The following NCALD variants were observed in gnomAD, a reference collection of about 807,000 sequenced individuals.
The protein encoded by NCALD is neurocalcin delta, also known as neurocalcin-delta.
In NCALD, 10 loss-of-function variants were observed where a neutral mutation model predicts 18.6. That is an observed-to-expected ratio of 0.54 (90% CI 0.33 to 0.91). The LOEUF (loss-of-function observed/expected upper bound fraction) is 0.91. NCALD is among the 40% of genes least tolerant of loss of function. The pLI is 0.03. For synonymous variants in NCALD, 88 were observed against 87.4 expected (o/e 1.01, Z -0.04); for missense variants, 184 against 247.6 (o/e 0.74, Z 1.72).
At chr8:101,826,368 T>C (rs1460102632) in intron 4 of NCALD, among the ~76,000 whole-genome samples, 23 of 151,958 alleles carry the variant, frequency 1.5e-4, no homozygotes, top group Non-Finnish European at 1.5e-4. Context: ...CATTCCTCAG[T>C]GTTTTAGTCT....
At chr8:102,035,136 G>A (rs757159242) in intron 1 of NCALD, among the ~76,000 whole-genome samples, 9 of 152,214 alleles carry the variant, frequency 5.9e-5, no homozygotes, top group South Asian at 2.1e-4. Flanking sequence ...GCAAGGTCTC[G>A]CCCAGTGCAT....
At chr8:101,774,916 G>T (rs1811730049) in intron 1 of NCALD, among the ~76,000 whole-genome samples, 1 of 152,170 alleles carries the variant, frequency 6.6e-6, no homozygotes, top group Admixed American at 6.5e-5. Context: ...AACTTAGGGT[G>T]CCCAGATATC....
At chr8:101,872,366 C>T in intron 4 of NCALD, 1 of 1,529,064 alleles carries the variant, frequency 6.5e-7, no homozygotes, top group Non-Finnish European at 9.1e-7. Context: ...TCATTAAACT[C>T]GTCTTCATGA....
intron 4 of NCALD, among the ~76,000 whole-genome samples, chr8:101,879,693 A>G (rs1324423378): frequency 6.6e-6 from 1 of 152,152 alleles, no homozygotes; most frequent in Non-Finnish European, 1.5e-5. Context: ...CAGAGCACTC[A>G]TTGGTCCGTT....
At chr8:101,951,667 A>G (rs935279975) in intron 2 of NCALD, among the ~76,000 whole-genome samples, 5 of 152,234 alleles carry the variant, frequency 3.3e-5, no homozygotes, top group Admixed American at 2.0e-4. Flanking sequence ...CCTGGTACTC[A>G]GCAAATGTTT....
chr8:101,793,729 T>C (rs1014367790), upstream of NCALD, among the ~76,000 whole-genome samples: 2 of 152,200 alleles, frequency 1.3e-5, no homozygotes, highest in African/African-American at 4.8e-5. Context: ...TTTTTTAAGG[T>C]GAAAATGATT....
Position 101,979,962 on chromosome 8 carries a change from A to C in NCALD, c.-157+40275T>G, listed in dbSNP as rs1304496943. Among the ~76,000 whole-genome samples the C allele has an allele frequency of 2.0e-5, 3 of 152,046 alleles. No individual in the cohort carries two copies. In the South Asian group the frequency reaches 6.2e-4, roughly 32 times the overall value. ...ACATCAGGGCCTGAGGGGCCTCATG[A>C]GCTCACTCACAGGAGGATAGGGTGG... On this transcript the variant is annotated intron_variant, in intron 2 of 6. Transcript: ENST00000311028.
intron 2 of NCALD, among the ~76,000 whole-genome samples, chr8:101,717,454 C>T (rs1337168624): frequency 2.6e-5 from 4 of 152,156 alleles, no homozygotes; most frequent in Admixed American, 1.3e-4. Context: ...ATTTCTGAGT[C>T]GTGGAGGGAC....
chr8:101,767,087 G>T (rs1157727961), intron 1 of NCALD, among the ~76,000 whole-genome samples: 1 of 152,104 alleles, frequency 6.6e-6, no homozygotes, highest in African/African-American at 2.4e-5. Flanking sequence ...CCAGAACCTA[G>T]AGCTTAGAGA....
In NCALD at chr8:102,023,714, GA is replaced by G. The variant is rs1822358982; in HGVS notation, c.-209-3426del. 2.6e-5 allele frequency among the ~76,000 whole-genome samples: 4 copies of G among 152,308 alleles called. No homozygotes were observed. In the South Asian group the frequency reaches 8.3e-4, roughly 32 times the overall value. On this transcript the variant is annotated intron_variant, in intron 1 of 6. Transcript: ENST00000311028. ...GGGGCTTTCCAGTTCCGAGACCAAG[GA>G]TTTGCCATAGAAAAATGAAGTAAAG...
intron 1 of NCALD, among the ~76,000 whole-genome samples, chr8:102,058,060 A>G (rs1022614019): frequency 2.6e-5 from 4 of 152,214 alleles, no homozygotes; most frequent in African/African-American, 7.2e-5. Flanking sequence ...AGAGACTTCA[A>G]TGTTAGGAGA....
chr8:101,816,334 A>AT (rs1292780512), intron 4 of NCALD, among the ~76,000 whole-genome samples: 1 of 152,182 alleles, frequency 6.6e-6, no homozygotes. Context: ...AAAACAGGAG[A>AT]TAAAAACTAC....
chr8:102,069,032 G>T (rs1346492290), intron 1 of NCALD, among the ~76,000 whole-genome samples: 1 of 152,158 alleles, frequency 6.6e-6, no homozygotes, highest in Non-Finnish European at 1.5e-5. Flanking sequence ...CTGGGTGAGG[G>T]GAGTGGAGGA....
intron 1 of NCALD, among the ~76,000 whole-genome samples, chr8:102,083,820 CCAT>C (rs1824639958): frequency 1.3e-5 from 2 of 152,282 alleles, no homozygotes; most frequent in Admixed American, 1.3e-4. Context: ...TTTTCTGATC[CCAT>C]CATCACCTCT....
chr8:101,911,589 C>T (rs1052440091), intron 3 of NCALD, among the ~76,000 whole-genome samples: 4 of 152,034 alleles, frequency 2.6e-5, no homozygotes, highest in Non-Finnish European at 5.9e-5. Flanking sequence ...AACTCCTGAC[C>T]ACAAGTGATC....
At chr8:101,880,964 A>G (rs965976750) in intron 4 of NCALD, among the ~76,000 whole-genome samples, 14 of 152,178 alleles carry the variant, frequency 9.2e-5, no homozygotes, top group African/African-American at 3.4e-4. Context: ...TTAGAACTTT[A>G]TTTTTGAGAT....
chr8:101,776,627 C>T (rs1165256160), intron 1 of NCALD, among the ~76,000 whole-genome samples: 4 of 152,090 alleles, frequency 2.6e-5, no homozygotes, highest in African/African-American at 9.7e-5. Flanking sequence ...TTATCCATTC[C>T]AGCAGGCAAC....
At chr8:101,932,380 C>T (rs969135738) in intron 2 of NCALD, among the ~76,000 whole-genome samples, 1 of 152,180 alleles carries the variant, frequency 6.6e-6, no homozygotes, top group Non-Finnish European at 1.5e-5. Flanking sequence ...CATCCCCATT[C>T]GCCTACCCAA....
chr8:101,765,853 A>C (rs540302304), intron 1 of NCALD, among the ~76,000 whole-genome samples: 2 of 152,350 alleles, frequency 1.3e-5, no homozygotes, highest in African/African-American at 2.4e-5. Flanking sequence ...TTTGCTTAGC[A>C]TACAGATCTC....
Sources: gnomAD v4.1 joint callset for allele counts (sites outside exome capture counted in the v4.1 genomes callset) on GRCh38, gnomAD v4.1.1 for gene constraint, MANE v1.5 for transcripts, NCBI Gene and HGNC (gene_info 2026-07-23, HGNC 2026-07-21) for gene names.